LRIG1: variants seen among roughly 807,000 people sequenced by gnomAD.
LRIG1 encodes the protein leucine rich repeats and immunoglobulin like domains 1.
LRIG1 carries 48 observed loss-of-function variants against 99.2 expected under a neutral mutation model. That is an observed-to-expected ratio of 0.48 (90% confidence interval 0.38 to 0.62). The LOEUF (loss-of-function observed/expected upper bound fraction) is 0.62, where lower values mean the gene tolerates loss of function less well. Ranked by LOEUF, LRIG1 falls within the 20% of genes least tolerant of loss-of-function variation. LRIG1 has a pLI of 0.00. For synonymous variants in LRIG1, 772 were observed against 596.1 expected (o/e 1.29, Z -4.30); for missense variants, 1,646 against 1,434.4 (o/e 1.15, Z -2.38).
At chr3:66,418,153 G>T (rs976843224) in intron 3 of LRIG1, among the ~76,000 whole-genome samples, 1 of 151,978 alleles carries the variant, frequency 6.6e-6, no homozygotes, top group Admixed American at 6.6e-5. Flanking sequence ...GTGCAGTGGC[G>T]CCATCTTGGC....
chr3:66,493,040 G>A (rs139872695), intron 1 of LRIG1, among the ~76,000 whole-genome samples: 80 of 152,248 alleles, frequency 5.3e-4, no homozygotes, highest in African/African-American at 1.9e-3. Flanking sequence ...AATGAAAAAT[G>A]TTCTTTGCAT....
chr3:66,412,368 G>A (rs866885625), intron 6 of LRIG1, among the ~76,000 whole-genome samples: 2 of 152,348 alleles, frequency 1.3e-5, no homozygotes, highest in Non-Finnish European at 1.5e-5. Context: ...CACCGAAGAA[G>A]CAGGGGCGGG....
At chr3:66,429,159 C>T (rs1188423050) in intron 3 of LRIG1, among the ~76,000 whole-genome samples, 3 of 152,234 alleles carry the variant, frequency 2.0e-5, no homozygotes, top group Non-Finnish European at 2.9e-5. Context: ...CTTGCAAAGA[C>T]GACCCAATGT....
intron 12 of LRIG1, 159 bp from the exon 13 acceptor site, chr3:66,386,460 TGCAC>T: frequency 1.6e-6 from 1 of 636,330 alleles, no homozygotes; most frequent in Non-Finnish European, 2.8e-6. Flanking sequence ...CCGTAAGAGT[TGCAC>T]CATGGACATC....
chr3:66,417,801 A>G (rs1361080217), intron 3 of LRIG1, among the ~76,000 whole-genome samples: 1 of 152,326 alleles, frequency 6.6e-6, no homozygotes, highest in South Asian at 2.1e-4. Flanking sequence ...AAAAAGAAAA[A>G]AAAAAAAAGA....
chr3:66,400,282 T>C (rs913544394), intron 9 of LRIG1, among the ~76,000 whole-genome samples: 7 of 152,206 alleles, frequency 4.6e-5, no homozygotes, highest in African/African-American at 1.7e-4. Flanking sequence ...GGGTGGACAC[T>C]GGGAATGAAG....
intron 16 of LRIG1, among the ~76,000 whole-genome samples, chr3:66,381,858 A>G (rs1029529010): frequency 3.9e-5 from 6 of 152,150 alleles, no homozygotes; most frequent in Admixed American, 6.5e-5. Flanking sequence ...CTACAGTCTC[A>G]GGCAAGTGCT....
chr3:66,500,290 G>A lies in LRIG1; in HGVS notation c.118C>T (p.Pro40Ser), dbSNP rs1215924805. The A allele has an allele frequency of 1.4e-6, 2 of 1,473,744 alleles. No homozygotes were observed. Among genetic ancestry groups the A allele is most frequent in the African/African-American group, 1.5e-5 (1 of 68,870 alleles). 91.3% of individuals were successfully genotyped at this position (1,473,744 alleles called of 1,614,324 possible). A position where few individuals can be genotyped will look rare whatever the true frequency, so the allele number is the denominator to read the frequency against. The change falls in exon 1 of 19, where the codon CCC (proline) becomes TCC (serine). Residue 40 changes from proline to serine, a missense_variant. Coordinates refer to ENST00000273261, the MANE Select transcript of LRIG1 (RefSeq NM_015541.3). ...PVTAAAGPRAPCAAACTCAGD... is the reference protein window; with the variant it reads ...PVTAAAGPRASCAAACTCAGD... Reference sequence around the variant, plus strand: ...GCGCAAGTGCAGGCGGCCGCGCAGGGCGCCCGCGGGCCGGCCGCGGCGGTC... The same window carrying A: ...GCGCAAGTGCAGGCGGCCGCGCAGGACGCCCGCGGGCCGGCCGCGGCGGTC...
At chr3:66,496,031 G>A (rs1313404712) in intron 1 of LRIG1, among the ~76,000 whole-genome samples, 2 of 152,128 alleles carry the variant, frequency 1.3e-5, no homozygotes, top group East Asian at 3.9e-4. Flanking sequence ...TGGGGAGATG[G>A]GACATGAGGA....
rs1265814008 is a variant in LRIG1 at position 66,485,823 on chromosome 3, C to T, written c.218+14367G>A. Among the ~76,000 whole-genome samples, 4 of 152,100 alleles carry T rather than the reference C, an allele frequency of 2.6e-5. No individual in the cohort carries two copies. The South Asian group carries it at 8.3e-4, about 32-fold the overall frequency. On this transcript the variant is annotated intron_variant, in intron 1 of 18. Transcript: ENST00000273261. Reference sequence around the variant, plus strand: ...ACACACACGCCTACCAACAAAGAAACACGCTCTTCAAGATCACATTCAAGA... The same window carrying T: ...ACACACACGCCTACCAACAAAGAAATACGCTCTTCAAGATCACATTCAAGA...
intron 1 of LRIG1, among the ~76,000 whole-genome samples, chr3:66,484,664 T>A (rs1245270200): frequency 6.6e-6 from 1 of 151,952 alleles, no homozygotes; most frequent in Non-Finnish European, 1.5e-5. Flanking sequence ...TGGGGCCAGG[T>A]AAGAAGCGCG....
Position 66,380,577 on chromosome 3 carries a change from C to G in LRIG1, c.3055G>C (p.Gly1019Arg), listed in dbSNP as rs772199654. 6.2e-7 allele frequency: 1 copy of G among 1,613,490 alleles called. No individual in the cohort carries two copies. The highest frequency in any genetic ancestry group is 1.7e-4 in the Middle Eastern group (1 of 6,060). Residue 1019 changes from glycine (G) to arginine (R), a missense_variant and splice_region_variant, in exon 18 of 19, where the codon GGG becomes CGG. Physicochemically the swap from Gly to Arg is moderately radical, Grantham distance 125. Transcript: ENST00000273261. ...CTGTTAGAAGACAGTCAAAAGTTACCTTTCCCATCTAGAGATGCCATTGGC... is the reference window on the plus strand; with the variant it reads ...CTGTTAGAAGACAGTCAAAAGTTACGTTTCCCATCTAGAGATGCCATTGGC... ...KKPMASLDGK[G>R]DSSWTLARLY...
At chr3:66,486,539 G>GA (rs1700979176) in intron 1 of LRIG1, among the ~76,000 whole-genome samples, 1 of 152,154 alleles carries the variant, frequency 6.6e-6, no homozygotes, top group Non-Finnish European at 1.5e-5. Flanking sequence ...CAAGGCACCT[G>GA]AACTTAAAGA....
rs189748032 is a variant in LRIG1 at position 66,462,041 on chromosome 3, C to T, written c.290+397G>A. The stretch of plus-strand genomic sequence containing the variant: ...GCGCAGATCACATGAGGCCAGAGTT[C>T]GAGACCAGCCTGGCCAACACGGCAA... On this transcript the variant is annotated intron_variant, in intron 2 of 18. Transcript: ENST00000273261. Among the ~76,000 whole-genome samples, 109 of 152,222 alleles carry T rather than the reference C, an allele frequency of 7.2e-4. No homozygotes were observed. In the East Asian group the frequency reaches 0.017, roughly 24 times the overall value.
In LRIG1 at chr3:66,383,103, CCCATCCTTCCT is replaced by C; in HGVS notation, c.2359_2369del (p.Arg787AspfsTer33). The C allele has an allele frequency of 1.9e-6, 3 of 1,614,240 alleles. No individual in the cohort carries two copies. Among genetic ancestry groups the C allele is most frequent in the Non-Finnish European group, 2.5e-6 (3 of 1,180,046 alleles). ...CAATGGTGAAGATGCCTACCGTGGTCCCATCCTTCCTGCAGCCTGCTGCGGGCAGGACGCTC... is the reference window on the plus strand; with the variant it reads ...CAATGGTGAAGATGCCTACCGTGGTCGCAGCCTGCTGCGGGCAGGACGCTC... On this transcript the variant is annotated frameshift_variant, in exon 15 of 19. Transcript: ENST00000273261. LOFTEE classifies it high-confidence loss of function.
rs1342753909 is a variant in LRIG1, at chr3:66,500,440, G to A, written c.-33C>T. Reference sequence around the variant, plus strand: ...GGAGCGCGCTGCGAACTCCGGGCGCGGGGACTGTGAGGACCCGAACGGCCG... The same window carrying A: ...GGAGCGCGCTGCGAACTCCGGGCGCAGGGACTGTGAGGACCCGAACGGCCG... On this transcript the variant is annotated 5_prime_UTR_variant, in exon 1 of 19. Transcript: ENST00000273261. The A allele has an allele frequency of 5.3e-6, 7 of 1,315,502 alleles. No individual in the cohort carries two copies. The South Asian group carries it at 1.2e-4, about 22-fold the overall frequency. The allele number at this position is 1,315,502 out of a possible 1,614,324, so 81.5% of individuals were successfully genotyped here.
At position 66,500,335 on chromosome 3, in the gene LRIG1, A is replaced by T. The variant is rs1453615188; in HGVS notation, c.73T>A (p.Leu25Met). Reference protein sequence around the residue: ...SPCLLLLWLLLLRLEPVTAAA... With the variant: ...SPCLLLLWLLMLRLEPVTAAA... ...GCGGTCACCGGCTCCAGCCGAAGCA[A>T]AAGCAGCCAGAGAAGGAGAAGGCAA... The change falls in exon 1 of 19, where the codon TTG (leucine) becomes ATG (methionine). Residue 25 changes from leucine (L) to methionine (M), a missense_variant. Coordinates refer to ENST00000273261, the MANE Select transcript of LRIG1 (RefSeq NM_015541.3). 6.7e-7 allele frequency: 1 copy of T among 1,493,708 alleles called. No individual in the cohort carries two copies. The highest frequency in any genetic ancestry group is 1.3e-5 in the South Asian group (1 of 78,938). The allele number at this position is 1,493,708 out of a possible 1,614,324, so 92.5% of individuals were successfully genotyped here.
chr3:66,463,023 C>CA (rs1471144960), intron 1 of LRIG1, among the ~76,000 whole-genome samples: 12 of 152,224 alleles, frequency 7.9e-5, no homozygotes, highest in African/African-American at 2.6e-4. Flanking sequence ...TTTTGGTTGT[C>CA]ACAACTGGTG....
At chr3:66,485,303 C>T (rs920868404) in intron 1 of LRIG1, among the ~76,000 whole-genome samples, 6 of 152,148 alleles carry the variant, frequency 3.9e-5, no homozygotes, top group African/African-American at 1.2e-4. Context: ...CCCAGGACTA[C>T]GTACATCTTA....
Sources: gnomAD v4.1 joint callset for allele counts (sites outside exome capture counted in the v4.1 genomes callset) on GRCh38, gnomAD v4.1.1 for gene constraint, MANE v1.5 for transcripts, NCBI Gene and HGNC (gene_info 2026-07-23, HGNC 2026-07-21) for gene names.